Variants in GALNT13 observed in about 807,000 individuals in gnomAD.
GALNT13 encodes the protein polypeptide N-acetylgalactosaminyltransferase 13, also known as UDP-GalNAc:polypeptide N-acetylgalactosaminyltransferase 13.
GALNT13 carries 28 observed loss-of-function variants against 64.2 expected under a neutral mutation model. That is an observed-to-expected ratio of 0.44 (90% CI 0.32 to 0.60). The LOEUF (loss-of-function observed/expected upper bound fraction) is 0.60. Ranked by LOEUF, GALNT13 falls within the 20% of genes least tolerant of loss-of-function variation. GALNT13 has a pLI of 0.05. For synonymous variants in GALNT13, 214 were observed against 224.6 expected (o/e 0.95, Z 0.42); for missense variants, 577 against 669.8 (o/e 0.86, Z 1.53).
At chr2:153,308,012 G>A in the GALNT13 span, among the ~76,000 whole-genome samples, 14 of 152,062 alleles carry the variant, frequency 9.2e-5, no homozygotes, top group Admixed American at 2.6e-4. Context: ...GTTTGTGTGG[G>A]TGAGAGACAG....
At chr2:153,935,694 T>C (rs779794324) in intron 2 of GALNT13, among the ~76,000 whole-genome samples, 1 of 152,202 alleles carries the variant, frequency 6.6e-6, no homozygotes, top group Non-Finnish European at 1.5e-5. Context: ...TTGGAAGAGA[T>C]GACAAATGGA....
At chr2:154,062,297 T>C (rs780754398) in intron 3 of GALNT13, among the ~76,000 whole-genome samples, 31 of 152,238 alleles carry the variant, frequency 2.0e-4, no homozygotes, top group Non-Finnish European at 3.8e-4. Context: ...TATGTGATTC[T>C]ATTTTCTCTT....
intron 3 of GALNT13, among the ~76,000 whole-genome samples, chr2:154,018,765 A>G (rs1288483395): frequency 6.6e-6 from 1 of 151,134 alleles, no homozygotes; most frequent in Non-Finnish European, 1.5e-5. Context: ...GGAGAAAGAG[A>G]ATGAGAGAGA....
At chr2:153,325,444 A>AG in the GALNT13 span, among the ~76,000 whole-genome samples, 41,504 of 151,936 alleles carry the variant, frequency 0.27, 6,963 homozygotes, top group Non-Finnish European at 0.39. Flanking sequence ...TTTCAAAAAA[A>AG]CAGCTCCTGG....
chr2:153,851,371 A>G, the GALNT13 span, among the ~76,000 whole-genome samples: 1 of 152,186 alleles, frequency 6.6e-6, no homozygotes, highest in Non-Finnish European at 1.5e-5. Context: ...GAAGACCTTC[A>G]CTACAGAAAA....
At chr2:154,297,823 G>A (rs1693015634) in intron 8 of GALNT13, among the ~76,000 whole-genome samples, 1 of 152,064 alleles carries the variant, frequency 6.6e-6, no homozygotes, top group East Asian at 1.9e-4. Context: ...CTTTACTTGT[G>A]TATTTATTGG....
chr2:154,162,974 A>T (rs1172352621), intron 4 of GALNT13, among the ~76,000 whole-genome samples: 5 of 140,736 alleles, frequency 3.6e-5, no homozygotes, highest in African/African-American at 5.2e-5. Context: ...TTATTTTTCT[A>T]TTTTTTTTTT....
chr2:153,871,437 C>T (rs1188116965), upstream of GALNT13, among the ~76,000 whole-genome samples: 1 of 152,168 alleles, frequency 6.6e-6, no homozygotes, highest in Non-Finnish European at 1.5e-5. Context: ...TACCCCGCAG[C>T]ATCTCTCGGC....
At chr2:153,791,262 T>C in the GALNT13 span, among the ~76,000 whole-genome samples, 1 of 152,104 alleles carries the variant, frequency 6.6e-6, no homozygotes, top group African/African-American at 2.4e-5. Flanking sequence ...CCAACAATAA[T>C]ATGAAACAAA....
rs183852299 is a variant in GALNT13 at position 154,111,210 on chromosome 2, G to T, written c.143-29127G>T. Among the ~76,000 whole-genome samples, 808 of 152,222 alleles carry T rather than the reference G, an allele frequency of 5.3e-3. 6 individuals are homozygous for T. Among genetic ancestry groups the T allele is most frequent in the African/African-American group, 0.019 (785 of 41,530 alleles). The stretch of plus-strand genomic sequence containing the variant: ...TCAGCAAGTACCTCAGCAGGTCATG[G>T]TTTTTTTCCTGGTGGAGTGACCCAA... On this transcript the variant is annotated intron_variant, in intron 3 of 12. Transcript: ENST00000392825.
chr2:154,440,483 G>C (rs1000765159), intron 12 of GALNT13, among the ~76,000 whole-genome samples: 2 of 151,878 alleles, frequency 1.3e-5, no homozygotes, highest in African/African-American at 4.8e-5. Flanking sequence ...CTTCACATAG[G>C]TAGATAAATA....
the GALNT13 span, among the ~76,000 whole-genome samples, chr2:153,149,955 G>T: frequency 1.3e-5 from 2 of 151,692 alleles, no homozygotes; most frequent in African/African-American, 4.8e-5. Flanking sequence ...TGTCTTTGAG[G>T]CTATAGACAA....
intron 9 of GALNT13, among the ~76,000 whole-genome samples, chr2:154,351,291 C>T (rs909251855): frequency 2.6e-5 from 4 of 152,016 alleles, no homozygotes; most frequent in African/African-American, 9.7e-5. Context: ...CTGAATTTGT[C>T]ATTTGGAAAT....
chr2:153,448,998 C>G, the GALNT13 span, among the ~76,000 whole-genome samples: 1 of 152,102 alleles, frequency 6.6e-6, no homozygotes, highest in African/African-American at 2.4e-5. Flanking sequence ...CTTTCTGTCT[C>G]TCTCTCCCTG....
the GALNT13 span, among the ~76,000 whole-genome samples, chr2:153,831,692 C>T: frequency 6.6e-6 from 1 of 152,240 alleles, no homozygotes; most frequent in Admixed American, 6.5e-5. Flanking sequence ...TTAACTGCGT[C>T]CGTTGGTGCT....
the GALNT13 span, among the ~76,000 whole-genome samples, chr2:153,756,970 C>G: frequency 6.6e-6 from 1 of 151,988 alleles, no homozygotes; most frequent in Non-Finnish European, 1.5e-5. Flanking sequence ...CTTTTTTAGA[C>G]AGTATTTTTT....
At chr2:153,514,722 G>T in the GALNT13 span, among the ~76,000 whole-genome samples, 3 of 152,250 alleles carry the variant, frequency 2.0e-5, no homozygotes, top group African/African-American at 7.2e-5. Context: ...GATTTTTCAA[G>T]GGGTGGGGAT....
the GALNT13 span, among the ~76,000 whole-genome samples, chr2:153,411,337 T>C: frequency 6.6e-6 from 1 of 152,104 alleles, no homozygotes; most frequent in Non-Finnish European, 1.5e-5. Context: ...ACAAAGAGTT[T>C]GGAATACATT....
At chr2:153,090,776 C>G in the GALNT13 span, among the ~76,000 whole-genome samples, 1 of 152,000 alleles carries the variant, frequency 6.6e-6, no homozygotes, top group Admixed American at 6.6e-5. Context: ...TCAAGCTCTT[C>G]TTGGGCGGGG....
Sources: gnomAD v4.1 joint callset for allele counts (sites outside exome capture counted in the v4.1 genomes callset) on GRCh38, gnomAD v4.1.1 for gene constraint, MANE v1.5 for transcripts, NCBI Gene and HGNC (gene_info 2026-07-23, HGNC 2026-07-21) for gene names.